RSU1: variants seen among roughly 807,000 people sequenced by gnomAD.
RSU1 encodes the protein Ras suppressor protein 1.
In RSU1, 26 loss-of-function variants were observed where a neutral mutation model predicts 31.1. That is an observed-to-expected ratio of 0.84 (90% CI 0.61 to 1.16). RSU1 has a LOEUF of 1.16. RSU1 is among the 50% of genes most tolerant of loss of function. The pLI is 0.00. For missense variants in RSU1, 320 were observed against 339.1 expected, an observed-to-expected ratio of 0.94 and a Z score of 0.44; for synonymous variants, 164 against 136.3, an observed-to-expected ratio of 1.20 and a Z score of -1.41.
At chr10:16,790,775 G>A (rs1265405261) in intron 2 of RSU1, among the ~76,000 whole-genome samples, 3 of 152,138 alleles carry the variant, frequency 2.0e-5, no homozygotes, top group East Asian at 1.9e-4. Flanking sequence ...ACCAGATCTG[G>A]TTGTTTGAAA....
chr10:16,747,524 A>C (rs1836878821), intron 7 of RSU1, among the ~76,000 whole-genome samples: 1 of 152,048 alleles, frequency 6.6e-6, no homozygotes, highest in Admixed American at 6.6e-5. Flanking sequence ...CTCACCCCTC[A>C]TCTAAACTGT....
Position 16,592,744 on chromosome 10 carries a change from G to A in RSU1, c.*650C>T, listed in dbSNP as rs2131447050. 6.6e-6 allele frequency: 1 copy of A among 152,270 alleles called. No homozygotes were observed. Among genetic ancestry groups the A allele is most frequent in the Admixed American group, 6.5e-5 (1 of 15,298 alleles). The allele number at this position is 152,270 out of a possible 1,614,324, so 9.4% of individuals were successfully genotyped here. On this transcript the variant is annotated 3_prime_UTR_variant, in exon 9 of 9. Coordinates refer to ENST00000345264, the MANE Select transcript of RSU1 (RefSeq NM_012425.4). ...GAAAAAAAAAACTTGACAAATTAAT[G>A]TGAGAAGAAACGAACTGTGATTTAA...
At chr10:16,659,647 T>C (rs1365401670) in intron 8 of RSU1, among the ~76,000 whole-genome samples, 2 of 152,236 alleles carry the variant, frequency 1.3e-5, no homozygotes, top group Admixed American at 1.3e-4. Flanking sequence ...TTCGTTATTA[T>C]AGCTTTATAA....
chr10:16,707,301 T>C (rs1038242512), intron 7 of RSU1, among the ~76,000 whole-genome samples: 4 of 152,210 alleles, frequency 2.6e-5, no homozygotes, highest in African/African-American at 4.8e-5. Context: ...TTTTAATTTT[T>C]TGAAGGATCT....
intron 7 of RSU1, among the ~76,000 whole-genome samples, chr10:16,747,827 G>C (rs1269659759): frequency 6.6e-6 from 1 of 152,228 alleles, no homozygotes; most frequent in Admixed American, 6.5e-5. Context: ...AAGCACAGGA[G>C]TTTGAGACTA....
intron 8 of RSU1, among the ~76,000 whole-genome samples, chr10:16,596,480 T>G (rs1261315059): frequency 1.3e-5 from 2 of 152,190 alleles, no homozygotes; most frequent in African/African-American, 4.8e-5. Context: ...GCTCAAGGGC[T>G]TAGCACTGCA....
chr10:16,719,067 T>C (rs1168835828), intron 7 of RSU1, among the ~76,000 whole-genome samples: 2 of 151,350 alleles, frequency 1.3e-5, no homozygotes, highest in Non-Finnish European at 1.5e-5. Context: ...GGCAGGAGGA[T>C]TGCTTGAAGG....
chr10:16,647,063 C>CG (rs1564299193), intron 8 of RSU1, among the ~76,000 whole-genome samples: 1 of 150,500 alleles, frequency 6.6e-6, no homozygotes, highest in East Asian at 2.0e-4. Flanking sequence ...CTGCAACCTC[C>CG]GCCTCCCAGG....
At chr10:16,709,497 T>A (rs1835974129) in intron 7 of RSU1, among the ~76,000 whole-genome samples, 1 of 152,198 alleles carries the variant, frequency 6.6e-6, no homozygotes. Context: ...TTATAGTCCT[T>A]TGGGTATATA....
chr10:16,709,694 G>T (rs1835978725), intron 7 of RSU1, among the ~76,000 whole-genome samples: 1 of 152,160 alleles, frequency 6.6e-6, no homozygotes, highest in South Asian at 2.1e-4. Flanking sequence ...CATTCTAACT[G>T]GTGTGAGATG....
chr10:16,720,988 C>CATAA (rs1010601328), intron 7 of RSU1, among the ~76,000 whole-genome samples: 16 of 152,064 alleles, frequency 1.1e-4, no homozygotes, highest in African/African-American at 3.4e-4. Context: ...CCCTATCTCA[C>CATAA]ATAAATAAAT....
chr10:16,654,383 A>G (rs995323738), intron 8 of RSU1, among the ~76,000 whole-genome samples: 11 of 148,280 alleles, frequency 7.4e-5, no homozygotes, highest in Non-Finnish European at 1.5e-4. Context: ...AAAAAAAAGG[A>G]AATTGGCCAG....
chr10:16,661,287 CGTGTGTGTGTGTGTGTGTGT>C (rs56675037), intron 8 of RSU1, among the ~76,000 whole-genome samples: 37 of 132,916 alleles, frequency 2.8e-4, no homozygotes, highest in African/African-American at 1.0e-3. Context: ...GTAGAGAGTG[CGTGTGTGTGTGTGTGTGTGT>C]GTGTGTGTGT....
chr10:16,658,412 G>C (rs1039044870), intron 8 of RSU1, among the ~76,000 whole-genome samples: 6 of 152,070 alleles, frequency 3.9e-5, no homozygotes, highest in African/African-American at 1.4e-4. Flanking sequence ...TTTGACCAGA[G>C]AACAATTTGG....
chr10:16,638,260 T>A (rs976109373), intron 8 of RSU1, among the ~76,000 whole-genome samples: 2 of 152,160 alleles, frequency 1.3e-5, no homozygotes, highest in African/African-American at 4.8e-5. Context: ...CAGAAAACAG[T>A]CTCGCCAAGG....
intron 3 of RSU1, among the ~76,000 whole-genome samples, chr10:16,766,086 G>A (rs1335612524): frequency 2.0e-5 from 3 of 152,226 alleles, no homozygotes; most frequent in East Asian, 1.9e-4. Context: ...TAGAGGTAAG[G>A]CTTGGTGAAA....
At chr10:16,797,554 T>C (rs1588542284) in intron 2 of RSU1, among the ~76,000 whole-genome samples, 1 of 152,254 alleles carries the variant, frequency 6.6e-6, no homozygotes, top group African/African-American at 2.4e-5. Flanking sequence ...AAAGAAAGTG[T>C]AGAAGAACAT....
intron 7 of RSU1, among the ~76,000 whole-genome samples, chr10:16,739,731 C>T (rs972837171): frequency 2.0e-5 from 3 of 152,058 alleles, no homozygotes; most frequent in African/African-American, 7.2e-5. Context: ...CCTGCCTCAG[C>T]CTCCCGAGTA....
chr10:16,617,058 G>A (rs1338356732), intron 8 of RSU1, among the ~76,000 whole-genome samples: 1 of 152,210 alleles, frequency 6.6e-6, no homozygotes, highest in African/African-American at 2.4e-5. Context: ...TCTGTTTGCA[G>A]ATGACGTGAT....
Sources: gnomAD v4.1 joint callset for allele counts (sites outside exome capture counted in the v4.1 genomes callset) on GRCh38, gnomAD v4.1.1 for gene constraint, MANE v1.5 for transcripts, NCBI Gene and HGNC (gene_info 2026-07-23, HGNC 2026-07-21) for gene names.